The following CAMTA1 variants were observed in gnomAD, a reference collection of about 807,000 sequenced individuals.
CAMTA1 encodes the protein calmodulin-binding transcription activator 1.
CAMTA1 carries 27 observed loss-of-function variants against 170.9 expected under a neutral mutation model. That is an observed-to-expected ratio of 0.16 (90% CI 0.12 to 0.22). The LOEUF (loss-of-function observed/expected upper bound fraction) is 0.22, where lower values mean the gene tolerates loss of function less well. CAMTA1 is among the 10% of genes least tolerant of loss of function. The pLI is 1.00. For synonymous variants in CAMTA1, 833 were observed against 891.5 expected (o/e 0.93, Z 1.17); for missense variants, 1,619 against 2,217.2 (o/e 0.73, Z 5.42).
chr1:7,052,758 C>G (rs1706622218), intron 3 of CAMTA1, among the ~76,000 whole-genome samples: 1 of 152,198 alleles, frequency 6.6e-6, no homozygotes, highest in Non-Finnish European at 1.5e-5. Flanking sequence ...CCTTCAGTTC[C>G]CAGCACCAGC....
At chr1:7,577,516 C>A (rs2095211191) in intron 6 of CAMTA1, among the ~76,000 whole-genome samples, 1 of 152,014 alleles carries the variant, frequency 6.6e-6, no homozygotes. Flanking sequence ...GAAGTCCCAT[C>A]TAGACACGTG....
chr1:7,212,223 A>C (rs559676929), intron 4 of CAMTA1, among the ~76,000 whole-genome samples: 1 of 152,242 alleles, frequency 6.6e-6, no homozygotes, highest in South Asian at 2.1e-4. Flanking sequence ...AAATATAATT[A>C]GGCTCTTTTG....
intron 3 of CAMTA1, among the ~76,000 whole-genome samples, chr1:6,866,032 T>G (rs2148940647): frequency 6.6e-6 from 1 of 152,354 alleles, no homozygotes; most frequent in South Asian, 2.1e-4. Flanking sequence ...ATTTGTTTCT[T>G]TATTCACATT....
intron 3 of CAMTA1, among the ~76,000 whole-genome samples, chr1:6,875,725 A>T (rs1669648199): frequency 6.6e-6 from 1 of 152,194 alleles, no homozygotes. Context: ...TGGCTTCCTT[A>T]ATCCTGGCTG....
chr1:7,319,182 GAA>G (rs964914848), intron 5 of CAMTA1, among the ~76,000 whole-genome samples: 2 of 152,178 alleles, frequency 1.3e-5, no homozygotes, highest in African/African-American at 4.8e-5. Context: ...GCAGGGGTGA[GAA>G]AGTGGCATTT....
At chr1:6,916,929 C>T (rs975182352) in intron 3 of CAMTA1, among the ~76,000 whole-genome samples, 1 of 152,160 alleles carries the variant, frequency 6.6e-6, no homozygotes, top group Non-Finnish European at 1.5e-5. Context: ...TGTTGAGGTA[C>T]ATGAGGGGAC....
intron 3 of CAMTA1, among the ~76,000 whole-genome samples, chr1:6,845,716 C>T (rs573306834): frequency 1.5e-4 from 23 of 152,300 alleles, no homozygotes; most frequent in African/African-American, 5.3e-4. Context: ...CTCTACACTG[C>T]TATTCTTTGG....
At chr1:7,258,115 G>A (rs2149343713) in intron 5 of CAMTA1, among the ~76,000 whole-genome samples, 1 of 152,318 alleles carries the variant, frequency 6.6e-6, no homozygotes, top group Admixed American at 6.5e-5. Flanking sequence ...GGTGCCGTTA[G>A]ATGCTGCAAC....
intron 4 of CAMTA1, among the ~76,000 whole-genome samples, chr1:7,174,840 C>T (rs899687708): frequency 2.6e-5 from 4 of 152,182 alleles, no homozygotes; most frequent in Non-Finnish European, 5.9e-5. Flanking sequence ...CCTGTCTGTC[C>T]TCGTCAGGCA....
At chr1:7,213,076 T>C (rs549721051) in intron 4 of CAMTA1, among the ~76,000 whole-genome samples, 1 of 152,378 alleles carries the variant, frequency 6.6e-6, no homozygotes, top group South Asian at 2.1e-4. Context: ...TAAACATTTG[T>C]GTACAGGTTT....
intron 6 of CAMTA1, among the ~76,000 whole-genome samples, chr1:7,474,039 CT>C (rs1557773331): frequency 6.6e-6 from 1 of 152,252 alleles, no homozygotes; most frequent in East Asian, 1.9e-4. Flanking sequence ...GGCCACCCCC[CT>C]GGACACTGGG....
chr1:7,578,418 G>A (rs1166643273), intron 6 of CAMTA1, among the ~76,000 whole-genome samples: 1 of 152,188 alleles, frequency 6.6e-6, no homozygotes, highest in Non-Finnish European at 1.5e-5. Flanking sequence ...AGCTTGCTCG[G>A]GAAGACCCCT....
In CAMTA1 at chr1:7,661,843, A is replaced by G; in HGVS notation, c.782A>G (p.Asn261Ser). Reference protein sequence around the residue: ...HQTKPQPRTHNCLCTGSLGAG... With the variant: ...HQTKPQPRTHSCLCTGSLGAG... ...ACCAAGCCCCAGCCGCGGACCCACA[A>G]CTGCCTCTGCACCGGCAGCCTGGGT... The change falls in exon 8 of 23, where the codon AAC becomes AGC. Residue 261 changes from asparagine to serine, a missense_variant. By Grantham distance (46) the Asn-to-Ser change is conservative (BLOSUM62 1). Coordinates refer to ENST00000303635, the MANE Select transcript of CAMTA1 (RefSeq NM_015215.4). 1.2e-6 allele frequency: 2 copies of G among 1,611,910 alleles called. No homozygotes were observed. Among genetic ancestry groups the G allele is most frequent in the African/African-American group, 2.7e-5 (2 of 74,734 alleles).
chr1:7,379,891 C>G (rs1349972159), intron 5 of CAMTA1, among the ~76,000 whole-genome samples: 1 of 152,218 alleles, frequency 6.6e-6, no homozygotes, highest in Non-Finnish European at 1.5e-5. Flanking sequence ...GTGCGTCTGC[C>G]TTGCGCCATG....
At chr1:7,655,198 CT>C (rs1315838893) in intron 7 of CAMTA1, among the ~76,000 whole-genome samples, 18 of 133,086 alleles carry the variant, frequency 1.4e-4, no homozygotes, top group African/African-American at 4.1e-4. Context: ...ACACACACCC[CT>C]ATACACACAA....
intron 6 of CAMTA1, among the ~76,000 whole-genome samples, chr1:7,608,132 AG>A (rs1237471246): frequency 6.6e-6 from 1 of 152,116 alleles, no homozygotes; most frequent in Non-Finnish European, 1.5e-5. Context: ...GACCCATGGC[AG>A]GGGTGCACTC....
intron 7 of CAMTA1, among the ~76,000 whole-genome samples, chr1:7,661,300 G>A (rs3011925): frequency 0.036 from 5,482 of 152,248 alleles, 122 homozygotes; most frequent in Non-Finnish European, 0.055. Context: ...GTGCTTGTTG[G>A]TCCACCACCT....
chr1:7,006,998 T>G (rs1699091303), intron 3 of CAMTA1, among the ~76,000 whole-genome samples: 1 of 148,714 alleles, frequency 6.7e-6, no homozygotes. Context: ...GAATGTCAGA[T>G]GGTAGTAAAA....
rs2092012447 is a variant in CAMTA1 at position 7,428,913 on chromosome 1, C to A, written c.439-38917C>A. Among the ~76,000 whole-genome samples, 3 of 152,324 alleles carry A rather than the reference C, an allele frequency of 2.0e-5. No homozygotes were observed. In the South Asian group the frequency reaches 6.2e-4, roughly 32 times the overall value. On this transcript the variant is annotated intron_variant, in intron 5 of 22. Coordinates refer to ENST00000303635, the MANE Select transcript of CAMTA1 (RefSeq NM_015215.4). ...GGTGTTTATTATTAAATGTTATTTT[C>A]TCTGGTCTGCTGGCAGCGATGGCAG...
Sources: gnomAD v4.1 joint callset for allele counts (sites outside exome capture counted in the v4.1 genomes callset) on GRCh38, gnomAD v4.1.1 for gene constraint, MANE v1.5 for transcripts, NCBI Gene and HGNC (gene_info 2026-07-23, HGNC 2026-07-21) for gene names.